Variants in SCIN observed in about 807,000 individuals in gnomAD.
SCIN encodes adseverin.
A neutral mutation model predicts 91.8 loss-of-function variants in SCIN; 91 were observed. That is an observed-to-expected ratio of 0.99 (90% CI 0.84 to 1.18). SCIN has a LOEUF of 1.18. SCIN is among the 50% of genes most tolerant of loss of function. The pLI, the probability that SCIN is intolerant of heterozygous loss-of-function variation, is 0.00. For synonymous variants in SCIN, 367 were observed against 312.6 expected (o/e 1.17, Z -1.84); for missense variants, 1,087 against 863.9 (o/e 1.26, Z -3.24).
rs1311664739 is a variant in SCIN at position 12,658,716 on chromosome 7, C to G, written c.*6001C>G. On this transcript the variant is annotated 3_prime_UTR_variant, in exon 16 of 16. Transcript: ENST00000297029. ...CCTCTCTAGCTTGGGGCTGCACCCT[C>G]TGCTGTGGGAAGGAGTCCTCAAGGT... The G allele has an allele frequency of 6.6e-6, 1 of 152,154 alleles. No homozygotes were observed. The highest frequency in any genetic ancestry group is 1.5e-5 in the Non-Finnish European group (1 of 68,026). 9.4% of individuals were successfully genotyped at this position (152,154 alleles called of 1,614,324 possible).
intron 3 of SCIN, among the ~76,000 whole-genome samples, chr7:12,603,447 T>A: frequency 6.6e-6 from 1 of 151,996 alleles, no homozygotes; most frequent in Admixed American, 6.6e-5. Context: ...CTGACCTTAA[T>A]TTTTTTATAA....
At chr7:12,614,724 T>G (rs1783264691) in intron 4 of SCIN, among the ~76,000 whole-genome samples, 1 of 152,198 alleles carries the variant, frequency 6.6e-6, no homozygotes, top group South Asian at 2.1e-4. Context: ...TCCTTGGTTC[T>G]TAATGTCCCA....
rs1040351557 is a variant in SCIN, at chr7:12,654,921, A to G, written c.*2206A>G. 2 of 152,210 alleles carry G rather than the reference A, an allele frequency of 1.3e-5. No individual in the cohort carries two copies. The highest frequency in any genetic ancestry group is 4.8e-5 in the African/African-American group (2 of 41,466). 9.4% of individuals were successfully genotyped at this position (152,210 alleles called of 1,614,324 possible). On this transcript the variant is annotated 3_prime_UTR_variant, in exon 16 of 16. Transcript: ENST00000297029. ...CATAAGCATAATTTCTGAATGCATCACGGCAAAGATGCATGTACTCATGAA... is the reference window on the plus strand; with the variant it reads ...CATAAGCATAATTTCTGAATGCATCGCGGCAAAGATGCATGTACTCATGAA...
At chr7:12,590,222 C>G (rs1782689310) in intron 3 of SCIN, among the ~76,000 whole-genome samples, 1 of 152,164 alleles carries the variant, frequency 6.6e-6, no homozygotes, top group Admixed American at 6.5e-5. Flanking sequence ...TTCTACCCAC[C>G]TAGAGAAGGT....
rs1464764049 is a variant in SCIN at position 12,656,311 on chromosome 7, C to T, written c.*3596C>T. 1.3e-5 allele frequency: 2 copies of T among 152,130 alleles called. No homozygotes were observed. Among genetic ancestry groups the T allele is most frequent in the South Asian group, 2.1e-4 (1 of 4,824 alleles). The allele number at this position is 152,130 out of a possible 1,614,324, so 9.4% of individuals were successfully genotyped here. Reference sequence around the variant, plus strand: ...ATACTGTTGTGTAGTGACACAAGCCCTTCTGCTGAAAAAGTAGGTAGATAA... The same window carrying T: ...ATACTGTTGTGTAGTGACACAAGCCTTTCTGCTGAAAAAGTAGGTAGATAA... On this transcript the variant is annotated 3_prime_UTR_variant, in exon 16 of 16. Coordinates refer to ENST00000297029, the MANE Select transcript of SCIN (RefSeq NM_001112706.3).
At chr7:12,607,650 A>G (rs1419992158) in intron 4 of SCIN, among the ~76,000 whole-genome samples, 3 of 152,222 alleles carry the variant, frequency 2.0e-5, no homozygotes, top group African/African-American at 4.8e-5. Context: ...TTCAGTGTCT[A>G]TACTACATTT....
intron 1 of SCIN, among the ~76,000 whole-genome samples, chr7:12,576,177 TA>T (rs1335530063): frequency 6.6e-6 from 1 of 152,160 alleles, no homozygotes; most frequent in East Asian, 1.9e-4. Context: ...TAAGGCATCA[TA>T]AAAATCTACA....
chr7:12,582,813 C>T (rs894812534), intron 3 of SCIN, among the ~76,000 whole-genome samples: 3 of 152,178 alleles, frequency 2.0e-5, no homozygotes, highest in African/African-American at 7.2e-5. Flanking sequence ...TCTACAGCCA[C>T]ACAGTTCCGA....
Position 12,644,161 on chromosome 7 carries a change from G to A in SCIN, c.1605G>A (p.Leu535=). 6.2e-7 allele frequency: 1 copy of A among 1,612,788 alleles called. No homozygotes were observed. The highest frequency in any genetic ancestry group is 1.1e-5 in the South Asian group (1 of 90,842). The change falls in exon 12 of 16, where the codon CTG becomes CTA. Residue 535 remains leucine (L), a synonymous_variant. Transcript: ENST00000297029. The part of the protein sequence containing the change: ...IVEVDVDANS[L]NSNDVFVLKL... The stretch of plus-strand genomic sequence containing the variant: ...AGGTTGATGTTGATGCAAATTCACT[G>A]AATTCTAACGATGTTTTTGTCCTGA...
chr7:12,604,610 A>G lies in SCIN; in HGVS notation c.613A>G (p.Arg205Gly), dbSNP rs1226890178. 6.4e-7 allele frequency: 1 copy of G among 1,552,238 alleles called. No homozygotes were observed. Among genetic ancestry groups the G allele is most frequent in the Admixed American group, 2.0e-5 (1 of 50,988 alleles). ...TGIRYNERKG[R>G]SELIVVEEGS... is the part of the protein sequence containing the mutation. ...CATTCGGTACAATGAAAGGAAAGGA[A>G]GGTCTGAACTAATTGTCGTGGAAGA... Residue 205 changes from arginine to glycine, a missense_variant, in exon 4 of 16, where the codon AGG becomes GGG. Coordinates refer to ENST00000297029, the MANE Select transcript of SCIN (RefSeq NM_001112706.3).
Position 12,626,699 on chromosome 7 carries a change from C to G in SCIN, c.1097C>G (p.Ala366Gly). The G allele has an allele frequency of 1.9e-6, 3 of 1,594,768 alleles. No individual in the cohort carries two copies. The highest frequency in any genetic ancestry group is 2.6e-6 in the Non-Finnish European group (3 of 1,170,120). The stretch of plus-strand genomic sequence containing the variant: ...AAAGTTTATGTCACAGAGAAAGTGG[C>G]TCAAATAAAACAAATTCCCTTTGAT... ...FGKVYVTEKV[A>G]QIKQIPFDAS... Residue 366 changes from alanine (A) to glycine (G), a missense_variant, in exon 8 of 16, where the codon GCT becomes GGT. By Grantham distance (60) the Ala-to-Gly change is moderately conservative. Coordinates refer to ENST00000297029, the MANE Select transcript of SCIN (RefSeq NM_001112706.3).
In SCIN at chr7:12,640,420, A is replaced by G; in HGVS notation, c.1484A>G (p.Lys495Arg). 1 of 1,613,662 alleles carries G rather than the reference A, an allele frequency of 6.2e-7. No individual in the cohort carries two copies. The highest frequency in any genetic ancestry group is 1.3e-5 in the African/African-American group (1 of 75,024). Residue 495 changes from lysine (K) to arginine (R), a missense_variant, in exon 11 of 16, where the codon AAG (lysine) becomes AGG (arginine). Lys to Arg is a conservative substitution (Grantham distance 26). Transcript: ENST00000297029. ...LFKDKPLIIY[K>R]NGTSKKGGQA... Reference sequence around the variant, plus strand: ...AAAGACAAACCGCTCATTATTTACAAGAATGGAACATCAAAGAAAGGAGGT... The same window carrying G: ...AAAGACAAACCGCTCATTATTTACAGGAATGGAACATCAAAGAAAGGAGGT...
At chr7:12,636,655 T>G (rs548246959) in intron 10 of SCIN, among the ~76,000 whole-genome samples, 2 of 152,094 alleles carry the variant, frequency 1.3e-5, no homozygotes, top group Non-Finnish European at 2.9e-5. Flanking sequence ...CCAGGGTCCT[T>G]GTAAGTAAAA....
rs909313213 is a variant in SCIN, at chr7:12,656,763, A to G, written c.*4048A>G. 1 of 152,174 alleles carries G rather than the reference A, an allele frequency of 6.6e-6. No homozygotes were observed. The highest frequency in any genetic ancestry group is 1.5e-5 in the Non-Finnish European group (1 of 68,060). The allele number at this position is 152,174 out of a possible 1,614,324, so 9.4% of individuals were successfully genotyped here. A position where few individuals can be genotyped will look rare whatever the true frequency, so the allele number is the denominator to read the frequency against. ...ATAGTGAAACCCCGTCTCTACTAAA[A>G]ATACAAAAAATTAGCTGGGCGTAGT... On this transcript the variant is annotated 3_prime_UTR_variant, in exon 16 of 16. Transcript: ENST00000297029.
chr7:12,591,883 G>A lies in SCIN; in HGVS notation c.516+10662G>A, dbSNP rs536333693. ...AGATGGAGAGTTGGGCCTTGGAGGG[G>A]GAGACCCTATACCCTTTGATAGCGA... is the stretch of plus-strand genomic sequence containing the variant. On this transcript the variant is annotated intron_variant, in intron 3 of 15. Transcript: ENST00000297029. Among the ~76,000 whole-genome samples, 10 of 152,222 alleles carry A rather than the reference G, an allele frequency of 6.6e-5. No individual in the cohort carries two copies. In the South Asian group the frequency reaches 1.7e-3, roughly 25 times the overall value.
At chr7:12,577,481 A>G (rs1782395461) in intron 1 of SCIN, 4 of 455,138 alleles carry the variant, frequency 8.8e-6, no homozygotes, top group South Asian at 3.1e-5. Context: ...TCATTGGAAT[A>G]GATTGTTTTA....
chr7:12,603,961 A>G (rs1335042924), intron 3 of SCIN, among the ~76,000 whole-genome samples: 2 of 152,078 alleles, frequency 1.3e-5, no homozygotes, highest in Non-Finnish European at 2.9e-5. Flanking sequence ...AGATAGTGAT[A>G]TTACTGGGAC....
At chr7:12,601,504 C>T (rs866575257) in intron 3 of SCIN, among the ~76,000 whole-genome samples, 91 of 152,296 alleles carry the variant, frequency 6.0e-4, no homozygotes, top group African/African-American at 2.0e-3. Context: ...CTAGATGAAA[C>T]GTGTGTGGGA....
Position 12,636,086 on chromosome 7 carries a change from CG to C in SCIN, c.1362del (p.Phe455SerfsTer2), listed in dbSNP as rs1297738904. Reference sequence around the variant, plus strand: ...ACACGAGATGAGCTGACAACATCTGCGTTCCTGACTGTTCAGTTGGATCGGT... The same window carrying C: ...ACACGAGATGAGCTGACAACATCTGCTTCCTGACTGTTCAGTTGGATCGGT... ...NATRDELTTS[A>X]FLTVQLDRSL... On this transcript the variant is annotated frameshift_variant, in exon 10 of 16. Transcript: ENST00000297029. LOFTEE classifies it high-confidence loss of function. The C allele has an allele frequency of 3.1e-6, 5 of 1,613,092 alleles. No individual in the cohort carries two copies. In the Admixed American group the frequency reaches 8.3e-5, roughly 27 times the overall value.
Sources: gnomAD v4.1 joint callset for allele counts (sites outside exome capture counted in the v4.1 genomes callset) on GRCh38, gnomAD v4.1.1 for gene constraint, MANE v1.5 for transcripts, NCBI Gene and HGNC (gene_info 2026-07-23, HGNC 2026-07-21) for gene names.